The following HIRIP3 variants were observed in gnomAD, a reference collection of about 807,000 sequenced individuals.
HIRIP3 encodes the protein HIRA-interacting protein 3.
HIRIP3 carries 40 observed loss-of-function variants against 50.3 expected under a neutral mutation model. The observed-to-expected ratio is 0.79, with a 90% confidence interval of 0.62 to 1.03. HIRIP3 has a LOEUF of 1.03. HIRIP3 is among the 50% of genes least tolerant of loss of function. The probability of loss-of-function intolerance (pLI) is 0.00; values close to 1 mark genes in which losing one functional copy is unlikely to be tolerated. For synonymous variants in HIRIP3, 318 were observed against 261.6 expected, an observed-to-expected ratio of 1.22 and a Z score of -2.08; for missense variants, 765 against 705.4, an observed-to-expected ratio of 1.08 and a Z score of -0.96.
rs1596628745 is a variant in HIRIP3, at chr16:29,993,118, G to A, written c.*89C>T. The stretch of plus-strand genomic sequence containing the variant: ...TTGGGAGCTGCAGTCTTCTCTGAAG[G>A]AAGCTGCTTCTGTTCCACAGACACA... On this transcript the variant is annotated 3_prime_UTR_variant, in exon 7 of 7. Transcript: ENST00000279392. The A allele has an allele frequency of 6.3e-6, 8 of 1,264,648 alleles. No individual in the cohort carries two copies. Among genetic ancestry groups the A allele is most frequent in the Non-Finnish European group, 8.6e-6 (8 of 935,398 alleles). 78.3% of individuals were successfully genotyped at this position (1,264,648 alleles called of 1,614,324 possible). A position where few individuals can be genotyped will look rare whatever the true frequency, so the allele number is the denominator to read the frequency against.
upstream of HIRIP3, chr16:29,995,666 T>C (rs2150917058): frequency 2.5e-6 from 4 of 1,587,370 alleles, no homozygotes; most frequent in South Asian, 1.1e-5. Context: ...CGTCAGCGCG[T>C]TTGACAGCGG....
In HIRIP3 at chr16:29,993,261, G is replaced by A; in HGVS notation, c.1617C>T (p.Pro539=). 6.4e-7 allele frequency: 1 copy of A among 1,572,454 alleles called. No homozygotes were observed. ...TGCCACGCATATGTGACCAGTCTGGGGGTGCGGGACGGGGCCGCTCTTCAT... is the reference window on the plus strand; with the variant it reads ...TGCCACGCATATGTGACCAGTCTGGAGGTGCGGGACGGGGCCGCTCTTCAT... The part of the protein sequence containing the change: ...DSDEERPRPA[P]PDWSHMRGII... The change falls in exon 7 of 7, where the codon CCC becomes CCT. Residue 539 remains proline, a synonymous_variant. Transcript: ENST00000279392.
In HIRIP3 at chr16:29,993,958, G is replaced by C; in HGVS notation, c.1187C>G (p.Thr396Arg). ...SSKKSSRKGR[T>R]RSSSSSSDGS... is the part of the protein sequence containing the mutation. ...ATCTGAGGAGGAAGAGGAGCTTCGT[G>C]TCCTGCCTTTCCTGGAGCTCTTCTT... is the stretch of plus-strand genomic sequence containing the variant. Residue 396 changes from threonine to arginine, a missense_variant, in exon 4 of 7, where the codon ACA becomes AGA. Thr to Arg is a moderately conservative substitution (Grantham distance 71). Coordinates refer to ENST00000279392, the MANE Select transcript of HIRIP3 (RefSeq NM_003609.5). 1 of 1,561,434 alleles carries C rather than the reference G, an allele frequency of 6.4e-7. No individual in the cohort carries two copies. Among genetic ancestry groups the C allele is most frequent in the Non-Finnish European group, 8.7e-7 (1 of 1,154,438 alleles).
In HIRIP3 at chr16:29,993,930, TC is replaced by T. The variant is rs781107273; in HGVS notation, c.1214del (p.Gly405GlufsTer22). 6.4e-7 allele frequency: 1 copy of T among 1,563,898 alleles called. No homozygotes were observed. The highest frequency in any genetic ancestry group is 8.7e-7 in the Non-Finnish European group (1 of 1,154,242). On this transcript the variant is annotated frameshift_variant, in exon 4 of 7. Transcript: ENST00000279392. LOFTEE classifies it high-confidence loss of function. The part of the protein sequence containing the change: ...RTRSSSSSSD[G>X]SPEAKGGKAG... ...CCTTCCCTCCTTTGGCCTCTGGACT[TC>T]CATCTGAGGAGGAAGAGGAGCTTCG...
Position 29,995,400 on chromosome 16 carries a change from C to T in HIRIP3, c.129G>A (p.Glu43=), listed in dbSNP as rs2070069477. The T allele has an allele frequency of 6.2e-7, 1 of 1,613,670 alleles. No homozygotes were observed. ...GCTTCAGTGCCTGCTTCTCCTCGGG[C>T]TCCAGGTGGCTGCGGCCCGAGTGAG... ...YLAHSGRSHL[E]PEEKQALKRL... is the part of the protein sequence containing the mutation. The change falls in exon 2 of 7, where the codon GAG becomes GAA. Residue 43 remains glutamate, a synonymous_variant. Transcript: ENST00000279392.
Position 29,995,460 on chromosome 16 carries a change from C to T in HIRIP3, c.69G>A (p.Thr23=). 1 of 1,613,490 alleles carries T rather than the reference C, an allele frequency of 6.2e-7. No individual in the cohort carries two copies. Among genetic ancestry groups the T allele is most frequent in the Non-Finnish European group, 8.5e-7 (1 of 1,179,706 alleles). The stretch of plus-strand genomic sequence containing the variant: ...TCCGCCGCACGATGGAATGCGTAAG[C>T]GTGCTGCAGGGACATGGTGTCAGGA... ...SFFRGRPDLS[T]LTHSIVRRRY... is the part of the protein sequence containing the mutation. Residue 23 remains threonine, a synonymous_variant, in exon 2 of 7, where the codon ACG becomes ACA. Transcript: ENST00000279392.
Position 29,994,653 on chromosome 16 carries a change from T to TTCC in HIRIP3, c.489_491dup (p.Glu164dup), listed in dbSNP as rs1338842294. ...TCCTAGTCTTCCCCTTGTACCCCTT[T>TTCC]TCCTCCTCCTCACTGCTCTCCTCTC... On this transcript the variant is annotated inframe_insertion, in exon 4 of 7. Coordinates refer to ENST00000279392, the MANE Select transcript of HIRIP3 (RefSeq NM_003609.5). 2 of 1,614,140 alleles carry TTCC rather than the reference T, an allele frequency of 1.2e-6. No homozygotes were observed.
At position 29,995,466 on chromosome 16, in the gene HIRIP3, G is replaced by A; in HGVS notation, c.66-3C>T. 1.2e-6 allele frequency: 2 copies of A among 1,613,616 alleles called. No homozygotes were observed. Among genetic ancestry groups the A allele is most frequent in the Non-Finnish European group, 1.7e-6 (2 of 1,179,752 alleles). On this transcript the variant is annotated splice_region_variant and splice_polypyrimidine_tract_variant and intron_variant, in intron 1 of 6. Transcript: ENST00000279392. ...GCACGATGGAATGCGTAAGCGTGCT[G>A]CAGGGACATGGTGTCAGGACGGAGT...
In HIRIP3 at chr16:29,993,471, T is replaced by C; in HGVS notation, c.1495A>G (p.Ile499Val). 6.2e-7 allele frequency: 1 copy of C among 1,613,228 alleles called. No individual in the cohort carries two copies. The highest frequency in any genetic ancestry group is 8.5e-7 in the Non-Finnish European group (1 of 1,179,312). ...GGAAACCCCTTACCCGAGCCACTGA[T>C]GATGTTCGCAACATCCAAGGAGGCC... ...EVASLDVANI[I>V]SGSGRPRRRT... The change falls in exon 6 of 7, where the codon ATC (isoleucine) becomes GTC (valine). Residue 499 changes from isoleucine (I) to valine (V), a missense_variant. Physicochemically the swap from Ile to Val is conservative, Grantham distance 29. Transcript: ENST00000279392.
At chr16:29,996,014 C>T (rs1041311112), upstream of HIRIP3, 12 of 575,616 alleles carry the variant, frequency 2.1e-5, no homozygotes, top group East Asian at 2.3e-4. Context: ...CCTTTTGTGG[C>T]TTCAAGTGTC....
At position 29,995,205 on chromosome 16, in the gene HIRIP3, C is replaced by T. The variant is rs2070062464; in HGVS notation, c.199G>A (p.Ala67Thr). Reference sequence around the variant, plus strand: ...AGGTCCAGTTTGTCTTCCCTGGAAGCGGCTTCATCCACCTGTGTGTGCGCC... The same window carrying T: ...AGGTCCAGTTTGTCTTCCCTGGAAGTGGCTTCATCCACCTGTGTGTGCGCC... ...ELLKMQVDEAASREDKLDLTK... is the reference protein window; with the variant it reads ...ELLKMQVDEATSREDKLDLTK... The change falls in exon 3 of 7, where the codon GCT becomes ACT. Residue 67 changes from alanine (A) to threonine (T), a missense_variant. Transcript: ENST00000279392. 2.5e-6 allele frequency: 4 copies of T among 1,614,240 alleles called. No individual in the cohort carries two copies. In the South Asian group the frequency reaches 3.3e-5, roughly 13 times the overall value.
At position 29,993,095 on chromosome 16, in the gene HIRIP3, G is replaced by C. The variant is rs2070005085; in HGVS notation, c.*112C>G. On this transcript the variant is annotated 3_prime_UTR_variant, in exon 7 of 7. Transcript: ENST00000279392. ...TAGCATCCCAACAGCTTGTGTCCTTGGGAGCTGCAGTCTTCTCTGAAGGAA... is the reference window on the plus strand; with the variant it reads ...TAGCATCCCAACAGCTTGTGTCCTTCGGAGCTGCAGTCTTCTCTGAAGGAA... The C allele has an allele frequency of 1.1e-6, 1 of 926,974 alleles. No individual in the cohort carries two copies. The highest frequency in any genetic ancestry group is 3.4e-5 in the Admixed American group (1 of 29,614). The allele number at this position is 926,974 out of a possible 1,614,324, so 57.4% of individuals were successfully genotyped here. A position where few individuals can be genotyped will look rare whatever the true frequency, so the allele number is the denominator to read the frequency against.
chr16:29,993,366 C>G lies in HIRIP3; in HGVS notation c.1512G>C (p.Arg504=). 2.6e-6 allele frequency: 4 copies of G among 1,553,376 alleles called. No homozygotes were observed. The highest frequency in any genetic ancestry group is 3.5e-6 in the Non-Finnish European group (4 of 1,145,714). The change falls in exon 7 of 7, where the codon CGG becomes CGC. Residue 504 remains arginine, a synonymous_variant. Transcript: ENST00000279392. The part of the protein sequence containing the change: ...DVANIISGSG[R]PRRRTAWNPL... ...GGTTCCAGGCTGTACGTCTGCGTGGCCGGCCTAGGGGAAAGGGGAAACGAG... is the reference window on the plus strand; with the variant it reads ...GGTTCCAGGCTGTACGTCTGCGTGGGCGGCCTAGGGGAAAGGGGAAACGAG...
rs769412115 is a variant in HIRIP3, at chr16:29,993,889, C to T, written c.1239+17G>A. On this transcript the variant is annotated intron_variant, in intron 4 of 6. Transcript: ENST00000279392. Reference sequence around the variant, plus strand: ...CCTCTTCCCTAATAGTGGCCTCCCACCCCTCCTCACCCTCACCTTCCCTCC... The same window carrying T: ...CCTCTTCCCTAATAGTGGCCTCCCATCCCTCCTCACCCTCACCTTCCCTCC... 58 of 1,583,832 alleles carry T rather than the reference C, an allele frequency of 3.7e-5. No homozygotes were observed. Among genetic ancestry groups the T allele is most frequent in the Non-Finnish European group, 2.6e-6 (3 of 1,163,006 alleles).
upstream of HIRIP3, chr16:29,995,684 A>T (rs1210394439): frequency 1.9e-6 from 3 of 1,549,816 alleles, no homozygotes; most frequent in African/African-American, 4.1e-5. Flanking sequence ...CGGCTCGCGC[A>T]CGCGCAGTGC....
chr16:29,993,864 C>T (rs763370387), intron 4 of HIRIP3, 42 bp downstream of exon 4: 1 of 1,605,376 alleles, frequency 6.2e-7, no homozygotes. Context: ...GCAGGGTCTC[C>T]CTCTTCCCTA....
Position 29,993,244 on chromosome 16 carries a change from A to G in HIRIP3, c.1634T>C (p.Met545Thr), listed in dbSNP as rs746715159. ...GCCATCACTGCTGATGATGCCACGC[A>G]TATGTGACCAGTCTGGGGGTGCGGG... ...PRPAPPDWSH[M>T]RGIISSDGES... The change falls in exon 7 of 7, where the codon ATG becomes ACG. Residue 545 changes from methionine (M) to threonine (T), a missense_variant. Transcript: ENST00000279392. The G allele has an allele frequency of 2.5e-6, 4 of 1,587,798 alleles. No individual in the cohort carries two copies. Among genetic ancestry groups the G allele is most frequent in the South Asian group, 1.1e-5 (1 of 87,306 alleles).
chr16:29,993,147 C>G lies in HIRIP3; in HGVS notation c.*60G>C. The G allele has an allele frequency of 6.8e-7, 1 of 1,473,550 alleles. No homozygotes were observed. Among genetic ancestry groups the G allele is most frequent in the Non-Finnish European group, 9.1e-7 (1 of 1,098,444 alleles). 91.3% of individuals were successfully genotyped at this position (1,473,550 alleles called of 1,614,324 possible). A position where few individuals can be genotyped will look rare whatever the true frequency, so the allele number is the denominator to read the frequency against. On this transcript the variant is annotated 3_prime_UTR_variant, in exon 7 of 7. Coordinates refer to ENST00000279392, the MANE Select transcript of HIRIP3 (RefSeq NM_003609.5). ...CTGCTTCTGTTCCACAGACACAGGGCAAGGGGTGCTATGTATGCTTTGTAC... is the reference window on the plus strand; with the variant it reads ...CTGCTTCTGTTCCACAGACACAGGGGAAGGGGTGCTATGTATGCTTTGTAC...
chr16:29,993,433 C>T lies in HIRIP3; in HGVS notation c.1507+26G>A, dbSNP rs368827418. On this transcript the variant is annotated intron_variant, in intron 6 of 6. Coordinates refer to ENST00000279392, the MANE Select transcript of HIRIP3 (RefSeq NM_003609.5). Reference sequence around the variant, plus strand: ...AAGGTCCAACCCCACCTATCTGCTCCTGGGCAGTGAGAGGAAACCCCTTAC... The same window carrying T: ...AAGGTCCAACCCCACCTATCTGCTCTTGGGCAGTGAGAGGAAACCCCTTAC... The T allele has an allele frequency of 1.9e-4, 308 of 1,602,304 alleles. 1 individual carries two copies. Among genetic ancestry groups the T allele is most frequent in the Non-Finnish European group, 2.6e-4 (299 of 1,171,988 alleles).
Sources: gnomAD v4.1 joint callset for allele counts on GRCh38, gnomAD v4.1.1 for gene constraint, MANE v1.5 for transcripts, NCBI Gene and HGNC (gene_info 2026-07-23, HGNC 2026-07-21) for gene names.